The following GUCY1A1 variants were observed in gnomAD, a reference collection of about 807,000 sequenced individuals.
GUCY1A1 encodes the protein guanylate cyclase soluble subunit alpha-1.
A neutral mutation model predicts 64.5 loss-of-function variants in GUCY1A1; 48 were observed. The observed-to-expected ratio is 0.74, with a 90% CI of 0.59 to 0.95. The LOEUF (loss-of-function observed/expected upper bound fraction) is 0.95, where lower values mean the gene tolerates loss of function less well. Among genes scored for constraint, GUCY1A1 ranks in the 40% least tolerant of loss-of-function variants. The pLI is 0.00. For synonymous variants in GUCY1A1, 308 were observed against 303.4 expected (o/e 1.02, Z -0.16); for missense variants, 804 against 825.3 (o/e 0.97, Z 0.32).
chr4:155,698,496 G>C (rs376283859), intron 3 of GUCY1A1, among the ~76,000 whole-genome samples: 30 of 152,288 alleles, frequency 2.0e-4, no homozygotes, highest in Admixed American at 7.9e-4. Flanking sequence ...CAAAGGTGAT[G>C]ATGAGGAAGC....
chr4:155,702,352 C>T (rs924071071), intron 3 of GUCY1A1, among the ~76,000 whole-genome samples: 2 of 152,160 alleles, frequency 1.3e-5, no homozygotes, highest in African/African-American at 2.4e-5. Context: ...ACTGGAGTAA[C>T]TTTCTACTGT....
intron 2 of GUCY1A1, among the ~76,000 whole-genome samples, chr4:155,669,720 TTC>T (rs1733864477): frequency 6.6e-6 from 1 of 152,172 alleles, no homozygotes; most frequent in Non-Finnish European, 1.5e-5. Context: ...TGTTATATTT[TTC>T]AAATGAAATT....
At chr4:155,720,259 A>C (rs1339354296) in intron 8 of GUCY1A1, among the ~76,000 whole-genome samples, 2 of 152,152 alleles carry the variant, frequency 1.3e-5, no homozygotes, top group Non-Finnish European at 2.9e-5. Flanking sequence ...TAACCAGAAG[A>C]GTGCTCACAG....
chr4:155,668,723 A>G (rs1027419960), intron 2 of GUCY1A1, among the ~76,000 whole-genome samples: 5 of 152,136 alleles, frequency 3.3e-5, no homozygotes, highest in African/African-American at 1.2e-4. Flanking sequence ...TATTATGTAC[A>G]GTGGTAAAAA....
chr4:155,674,295 A>G (rs887017375), intron 2 of GUCY1A1, among the ~76,000 whole-genome samples: 3 of 151,122 alleles, frequency 2.0e-5, no homozygotes, highest in Non-Finnish European at 4.4e-5. Flanking sequence ...TGGAGTTTGC[A>G]GTGAGCCAAG....
rs377421355 is a variant in GUCY1A1, at chr4:155,697,083, C to T, written c.216C>T (p.His72=). The T allele has an allele frequency of 1.9e-4, 313 of 1,613,294 alleles. No homozygotes were observed. The highest frequency in any genetic ancestry group is 2.4e-4 in the Non-Finnish European group (280 of 1,179,358). ...CCAGTCGGAGCCGAGTCTATCTTCA[C>T]ACTTTGGCAGAGAGTATTTGCAAAC... The part of the protein sequence containing the change: ...RKTSRSRVYL[H]TLAESICKLI... The change falls in exon 3 of 10, where the codon CAC becomes CAT. Residue 72 remains histidine, a synonymous_variant. Coordinates refer to ENST00000506455, the MANE Select transcript of GUCY1A1 (RefSeq NM_001130682.3).
In GUCY1A1 at chr4:155,730,262, G is replaced by C; in HGVS notation, c.*31G>C. ...TATATACCTATTTATAAGTCTTTGG[G>C]GTTTGACTCATTGAAGATGTGTAGA... On this transcript the variant is annotated 3_prime_UTR_variant, in exon 10 of 10. Coordinates refer to ENST00000506455, the MANE Select transcript of GUCY1A1 (RefSeq NM_001130682.3). 7.1e-7 allele frequency: 1 copy of C among 1,408,286 alleles called. No homozygotes were observed. Among genetic ancestry groups the C allele is most frequent in the Non-Finnish European group, 1.0e-6 (1 of 995,166 alleles). 87.2% of individuals were successfully genotyped at this position (1,408,286 alleles called of 1,614,324 possible). A position where few individuals can be genotyped will look rare whatever the true frequency, so the allele number is the denominator to read the frequency against.
intron 2 of GUCY1A1, among the ~76,000 whole-genome samples, chr4:155,687,298 G>A (rs1481155317): frequency 2.6e-5 from 4 of 152,168 alleles, no homozygotes; most frequent in Non-Finnish European, 5.9e-5. Context: ...GTTGCCTAGA[G>A]CTCTAGTAGA....
chr4:155,685,239 T>C (rs1728819293), intron 2 of GUCY1A1, among the ~76,000 whole-genome samples: 1 of 152,154 alleles, frequency 6.6e-6, no homozygotes, highest in Non-Finnish European at 1.5e-5. Flanking sequence ...TAAGATAATG[T>C]ATGTGATGTC....
intron 4 of GUCY1A1, among the ~76,000 whole-genome samples, chr4:155,707,040 AATG>A (rs1383994113): frequency 2.6e-5 from 4 of 152,364 alleles, no homozygotes; most frequent in African/African-American, 9.6e-5. Context: ...AGTTTAATAT[AATG>A]ATATCTGAGA....
At chr4:155,668,982 A>G (rs7662654) in intron 2 of GUCY1A1, among the ~76,000 whole-genome samples, 6,018 of 152,258 alleles carry the variant, frequency 0.04, 196 homozygotes, top group Non-Finnish European at 0.061. Flanking sequence ...TCCAAAATGG[A>G]CCTGTGTCCT....
chr4:155,733,092 C>T lies in GUCY1A1; in HGVS notation c.*2861C>T, dbSNP rs999870880. On this transcript the variant is annotated 3_prime_UTR_variant, in exon 10 of 10. Coordinates refer to ENST00000506455, the MANE Select transcript of GUCY1A1 (RefSeq NM_001130682.3). ...ACCTAAATAAGAATAGATTCATTTA[C>T]TCATTTTCATTTATTCATTCATGAA... Among the ~76,000 whole-genome samples the T allele has an allele frequency of 1.3e-5, 2 of 151,804 alleles. No homozygotes were observed. The highest frequency in any genetic ancestry group is 4.8e-5 in the African/African-American group (2 of 41,372).
intron 4 of GUCY1A1, among the ~76,000 whole-genome samples, chr4:155,707,801 A>G (rs1300853904): frequency 1.3e-5 from 2 of 151,326 alleles, no homozygotes; most frequent in African/African-American, 4.8e-5. Flanking sequence ...GCTTCTACAG[A>G]AAAGGGAATT....
At chr4:155,717,385 G>T (rs1733395603) in intron 8 of GUCY1A1, 83 bp downstream of exon 8, 4 of 1,027,846 alleles carry the variant, frequency 3.9e-6, no homozygotes, top group African/African-American at 1.6e-5. Flanking sequence ...TGTATCAGTT[G>T]GGGGTTAGTT....
At chr4:155,726,786 T>C (rs2126991027) in intron 9 of GUCY1A1, among the ~76,000 whole-genome samples, 1 of 152,078 alleles carries the variant, frequency 6.6e-6, no homozygotes, top group African/African-American at 2.4e-5. Flanking sequence ...GACATTTTGT[T>C]TGCATTCTTG....
intron 2 of GUCY1A1, among the ~76,000 whole-genome samples, chr4:155,675,225 T>C (rs1386240421): frequency 6.6e-6 from 1 of 151,658 alleles, no homozygotes; most frequent in Admixed American, 6.5e-5. Flanking sequence ...GTGGTTTTTA[T>C]TACATTATTA....
intron 9 of GUCY1A1, among the ~76,000 whole-genome samples, chr4:155,729,189 T>C (rs1259781548): frequency 6.6e-6 from 1 of 151,820 alleles, no homozygotes; most frequent in Non-Finnish European, 1.5e-5. Context: ...ATATAATAAA[T>C]GCTTTTCTGT....
chr4:155,726,819 C>T (rs565929665), intron 9 of GUCY1A1, among the ~76,000 whole-genome samples: 98 of 152,040 alleles, frequency 6.4e-4, no homozygotes, highest in Admixed American at 2.0e-3. Context: ...CTAATAGAGA[C>T]TAGTAGAGAC....
chr4:155,713,202 G>T lies in GUCY1A1; in HGVS notation c.1191G>T (p.Gly397=), dbSNP rs902772938. The change falls in exon 7 of 10, where the codon GGG becomes GGT. Residue 397 remains glycine (G), a synonymous_variant. Transcript: ENST00000506455. ...VDRLEDFTGR[G]LYLSDIPIHN... ...GATTAGAAGATTTTACAGGACGAGG[G>T]CTCTACCTCTCAGACATCCCAATTC... 11 of 1,614,086 alleles carry T rather than the reference G, an allele frequency of 6.8e-6. No individual in the cohort carries two copies. The East Asian group carries it at 2.5e-4, about 36-fold the overall frequency.
Sources: gnomAD v4.1 joint callset for allele counts (sites outside exome capture counted in the v4.1 genomes callset) on GRCh38, gnomAD v4.1.1 for gene constraint, MANE v1.5 for transcripts, NCBI Gene and HGNC (gene_info 2026-07-23, HGNC 2026-07-21) for gene names.